Variants in KCNMA1 observed in about 807,000 individuals in gnomAD.
KCNMA1 encodes Calcium-activated potassium channel subunit alpha-1.
Under a neutral mutation model 140.0 loss-of-function variants are expected in KCNMA1, and 29 were observed. The observed-to-expected ratio is 0.21, with a 90% CI of 0.15 to 0.28. The LOEUF is 0.28. Ranked by LOEUF, KCNMA1 falls within the 10% of genes least tolerant of loss-of-function variation. KCNMA1 has a pLI of 1.00. For missense variants in KCNMA1, 880 were observed against 1,602.2 expected (o/e 0.55, Z 7.70); for synonymous variants, 612 against 611.9 (o/e 1.00, Z 0.00).
chr10:77,460,743 G>T (rs772460442), intron 1 of KCNMA1, among the ~76,000 whole-genome samples: 3 of 152,132 alleles, frequency 2.0e-5, no homozygotes, highest in Non-Finnish European at 4.4e-5. Context: ...AGTACACATG[G>T]ACATACAGAA....
At chr10:77,506,707 CGAGAGAGA>C (rs140333440) in intron 1 of KCNMA1, among the ~76,000 whole-genome samples, 15 of 42,130 alleles carry the variant, frequency 3.6e-4, no homozygotes, top group Non-Finnish European at 6.2e-4. Context: ...AGAGATGTTC[CGAGAGAGA>C]GAGAGAGAGA....
chr10:77,601,415 C>T (rs1175416288), intron 1 of KCNMA1, among the ~76,000 whole-genome samples: 1 of 152,188 alleles, frequency 6.6e-6, no homozygotes, highest in Admixed American at 6.5e-5. Flanking sequence ...GTGTGATGTC[C>T]ACTCTCTAAA....
At chr10:77,414,407 A>G (rs1291275115) in intron 1 of KCNMA1, among the ~76,000 whole-genome samples, 2 of 152,114 alleles carry the variant, frequency 1.3e-5, no homozygotes, top group African/African-American at 2.4e-5. Context: ...CCCCTCTTAC[A>G]TCTACTGTGT....
At chr10:76,962,489 C>T (rs960748023) in intron 20 of KCNMA1, among the ~76,000 whole-genome samples, 1 of 152,128 alleles carries the variant, frequency 6.6e-6, no homozygotes, top group Non-Finnish European at 1.5e-5. Flanking sequence ...GACCTTTTAT[C>T]CGAGCTGCAA....
intron 23 of KCNMA1, among the ~76,000 whole-genome samples, chr10:76,942,246 C>T (rs1281527420): frequency 6.6e-6 from 1 of 152,144 alleles, no homozygotes; most frequent in Admixed American, 6.5e-5. Flanking sequence ...GCGTGAGCCA[C>T]CATGCCTGGC....
chr10:77,453,886 C>T (rs1015310722), intron 1 of KCNMA1, among the ~76,000 whole-genome samples: 3 of 152,114 alleles, frequency 2.0e-5, no homozygotes, highest in Non-Finnish European at 4.4e-5. Context: ...GGTTCACCTT[C>T]CCACCAGCCA....
At chr10:77,211,914 T>A (rs2046213413) in intron 3 of KCNMA1, among the ~76,000 whole-genome samples, 1 of 152,136 alleles carries the variant, frequency 6.6e-6, no homozygotes, top group South Asian at 2.1e-4. Flanking sequence ...TCACACCAGT[T>A]AGAATGGCTA....
chr10:77,295,811 A>AAAAAAAAAAAAC (rs1565799197), intron 2 of KCNMA1, among the ~76,000 whole-genome samples: 1 of 148,910 alleles, frequency 6.7e-6, no homozygotes, highest in African/African-American at 2.5e-5. Flanking sequence ...AAAAAAAAAA[A>AAAAAAAAAAAAC]AAAAAACAGT....
chr10:77,345,362 C>G (rs2091933717), intron 2 of KCNMA1, among the ~76,000 whole-genome samples: 1 of 151,788 alleles, frequency 6.6e-6, no homozygotes, highest in African/African-American at 2.4e-5. Flanking sequence ...TCAGGCTCCC[C>G]CTTTGCCAGG....
intron 23 of KCNMA1, among the ~76,000 whole-genome samples, chr10:76,944,515 G>A (rs2063405371): frequency 6.6e-6 from 1 of 152,200 alleles, no homozygotes; most frequent in Non-Finnish European, 1.5e-5. Context: ...GGAAAGCTGA[G>A]GGGGTGGCTA....
chr10:77,408,457 T>G (rs770419517), intron 1 of KCNMA1, among the ~76,000 whole-genome samples: 2 of 151,610 alleles, frequency 1.3e-5, no homozygotes, highest in South Asian at 4.2e-4. Context: ...CATGTGTGTG[T>G]GCGTTTGTGT....
At chr10:77,280,485 T>C (rs1300471050) in intron 2 of KCNMA1, among the ~76,000 whole-genome samples, 1 of 152,186 alleles carries the variant, frequency 6.6e-6, no homozygotes, top group East Asian at 1.9e-4. Flanking sequence ...TACTGACCTG[T>C]AAGTGTCTGT....
intron 1 of KCNMA1, among the ~76,000 whole-genome samples, chr10:77,405,942 C>T (rs997960747): frequency 1.3e-5 from 2 of 152,224 alleles, no homozygotes; most frequent in African/African-American, 4.8e-5. Context: ...GCTTCTCTCC[C>T]TCTGGCTGCC....
chr10:77,589,942 T>C (rs949554158), intron 1 of KCNMA1, among the ~76,000 whole-genome samples: 4 of 152,162 alleles, frequency 2.6e-5, no homozygotes, highest in African/African-American at 9.7e-5. Flanking sequence ...TTGGTCCATT[T>C]TACAGAGAGC....
intron 20 of KCNMA1, among the ~76,000 whole-genome samples, chr10:76,964,967 G>A (rs1191825341): frequency 6.6e-6 from 1 of 152,174 alleles, no homozygotes; most frequent in Non-Finnish European, 1.5e-5. Flanking sequence ...TGCCAGCCCA[G>A]CTGGGTGCTA....
chr10:77,411,201 C>T (rs2096611218), intron 1 of KCNMA1, among the ~76,000 whole-genome samples: 1 of 151,932 alleles, frequency 6.6e-6, no homozygotes, highest in Admixed American at 6.6e-5. Flanking sequence ...GGGGGTTTCA[C>T]CATGTCTGTT....
intron 1 of KCNMA1, among the ~76,000 whole-genome samples, chr10:77,613,261 C>T (rs1322043760): frequency 6.6e-6 from 1 of 152,212 alleles, no homozygotes; most frequent in African/African-American, 2.4e-5. Flanking sequence ...CCTTCCCCCA[C>T]AACCTTCCCC....
At chr10:77,436,307 C>T (rs1022885009) in intron 1 of KCNMA1, among the ~76,000 whole-genome samples, 2 of 152,196 alleles carry the variant, frequency 1.3e-5, no homozygotes, top group African/African-American at 2.4e-5. Flanking sequence ...GAATTCAAGG[C>T]GTACCAAACT....
At chr10:76,987,957 G>C (rs962597967) in intron 19 of KCNMA1, among the ~76,000 whole-genome samples, 1 of 152,174 alleles carries the variant, frequency 6.6e-6, no homozygotes, top group Non-Finnish European at 1.5e-5. Context: ...GGTGGCAAGA[G>C]GAACTAATTG....
Sources: gnomAD v4.1 joint callset for allele counts (sites outside exome capture counted in the v4.1 genomes callset) on GRCh38, gnomAD v4.1.1 for gene constraint, MANE v1.5 for transcripts, NCBI Gene and HGNC (gene_info 2026-07-23, HGNC 2026-07-21) for gene names.